Variants in TBC1D22A observed in about 807,000 individuals in gnomAD.
TBC1D22A encodes the protein putative GTPase activator.
Under a neutral mutation model 60.2 loss-of-function variants are expected in TBC1D22A, and 38 were observed. The ratio of observed to expected loss-of-function variants is 0.63; its 90% CI spans 0.49 to 0.83. The LOEUF is 0.83. Among genes scored for constraint, TBC1D22A ranks in the 40% least tolerant of loss-of-function variants. The pLI, the probability that TBC1D22A is intolerant of heterozygous loss-of-function variation, is 0.00. For synonymous variants in TBC1D22A, 302 were observed against 281.7 expected, an observed-to-expected ratio of 1.07 and a Z score of -0.72; for missense variants, 628 against 701.0, an observed-to-expected ratio of 0.90 and a Z score of 1.18.
chr22:47,051,591 A>T (rs2001059), intron 11 of TBC1D22A, among the ~76,000 whole-genome samples: 1 of 151,924 alleles, frequency 6.6e-6, no homozygotes, highest in Non-Finnish European at 1.5e-5. Context: ...TGGGCCAGCC[A>T]TGCTTTTCAG....
intron 4 of TBC1D22A, among the ~76,000 whole-genome samples, chr22:46,805,714 A>G (rs1352910542): frequency 6.6e-6 from 1 of 152,132 alleles, no homozygotes; most frequent in Admixed American, 6.5e-5. Context: ...GAGAGGTGGG[A>G]TGGGTTGGAT....
intron 12 of TBC1D22A, among the ~76,000 whole-genome samples, chr22:47,134,879 C>G (rs1291093314): frequency 6.6e-6 from 1 of 152,146 alleles, no homozygotes; most frequent in African/African-American, 2.4e-5. Flanking sequence ...GCATGTTGCA[C>G]CACAGGGGAG....
At chr22:47,162,448 C>T (rs1297663609) in intron 12 of TBC1D22A, among the ~76,000 whole-genome samples, 1 of 152,172 alleles carries the variant, frequency 6.6e-6, no homozygotes, top group Non-Finnish European at 1.5e-5. Context: ...TTCTCCAGTA[C>T]CCTTGACCGA....
chr22:46,856,876 C>T (rs2147319012), intron 4 of TBC1D22A, among the ~76,000 whole-genome samples: 1 of 152,314 alleles, frequency 6.6e-6, no homozygotes, highest in East Asian at 1.9e-4. Context: ...GGATAATTTC[C>T]TTGGGACAGA....
At chr22:47,091,056 C>T (rs1603257303) in intron 11 of TBC1D22A, among the ~76,000 whole-genome samples, 1 of 115,986 alleles carries the variant, frequency 8.6e-6, no homozygotes, top group Admixed American at 9.4e-5. Flanking sequence ...GGGGGAGTGG[C>T]CTCGCAGAGG....
chr22:46,840,549 A>G (rs1426993392), intron 4 of TBC1D22A, among the ~76,000 whole-genome samples: 1 of 152,150 alleles, frequency 6.6e-6, no homozygotes, highest in Non-Finnish European at 1.5e-5. Flanking sequence ...CCTGGCCAAC[A>G]TAGTGAAACC....
rs2062561322 is a variant in TBC1D22A, at chr22:47,033,646, G to A, written c.1202-3425G>A. Among the ~76,000 whole-genome samples, 3 of 152,192 alleles carry A rather than the reference G, an allele frequency of 2.0e-5. No homozygotes were observed. In the South Asian group the frequency reaches 6.2e-4, roughly 32 times the overall value. ...GTGTATAGAACGAAGAAGAGGGGGAGGCTCACAGCTTGGGGTGTTTCTGGA... is the reference window on the plus strand; with the variant it reads ...GTGTATAGAACGAAGAAGAGGGGGAAGCTCACAGCTTGGGGTGTTTCTGGA... On this transcript the variant is annotated intron_variant, in intron 10 of 12. Coordinates refer to ENST00000337137, the MANE Select transcript of TBC1D22A (RefSeq NM_014346.5).
In TBC1D22A at chr22:47,009,860, T is replaced by G. The variant is rs2148294827; in HGVS notation, c.1201+12151T>G. Among the ~76,000 whole-genome samples, 1 of 152,380 alleles carries G rather than the reference T, an allele frequency of 6.6e-6. No individual in the cohort carries two copies. The highest frequency in any genetic ancestry group is 1.5e-5 in the Non-Finnish European group (1 of 68,034). On this transcript the variant is annotated intron_variant, in intron 10 of 12. Transcript: ENST00000337137. This position sits in a 1 kb window ranked among gnomAD's most constrained non-coding sequence, Gnocchi z 5.8. ...CCTTGTTGAGCTGCCAAGGGCCCTG[T>G]CCATGCCTGCTCCTGAGGCAGCCTC...
chr22:46,780,148 A>G (rs537514055), intron 1 of TBC1D22A, among the ~76,000 whole-genome samples: 6 of 152,336 alleles, frequency 3.9e-5, no homozygotes, highest in South Asian at 4.1e-4. Context: ...TCAGTTGCCA[A>G]TTTGAGTACG....
intron 1 of TBC1D22A, among the ~76,000 whole-genome samples, chr22:46,765,181 C>G (rs934495276): frequency 4.6e-5 from 7 of 152,188 alleles, no homozygotes; most frequent in African/African-American, 1.7e-4. Flanking sequence ...GTTGGGTGCA[C>G]CAGGAAGGCC....
In TBC1D22A at chr22:46,762,782, G is replaced by A. The variant is rs961216383; in HGVS notation, c.-5G>A. ...GGCCGCGGGTCTGAGGGATGAGGAG[G>A]GGCCATGGCCAGCGACGGGGCCAGG... is the stretch of plus-strand genomic sequence containing the variant. On this transcript the variant is annotated 5_prime_UTR_variant, in exon 1 of 13. Coordinates refer to ENST00000337137, the MANE Select transcript of TBC1D22A (RefSeq NM_014346.5). 5.5e-6 allele frequency: 8 copies of A among 1,443,968 alleles called. No homozygotes were observed. The Admixed American group carries it at 2.2e-4, about 39-fold the overall frequency. The allele number at this position is 1,443,968 out of a possible 1,614,324, so 89.4% of individuals were successfully genotyped here.
intron 10 of TBC1D22A, among the ~76,000 whole-genome samples, chr22:47,031,967 A>G (rs1486935580): frequency 6.6e-6 from 1 of 152,184 alleles, no homozygotes; most frequent in Non-Finnish European, 1.5e-5. Flanking sequence ...AGTTACCACA[A>G]TGACAGGTGT....
At chr22:47,016,121 T>A (rs999227357) in intron 10 of TBC1D22A, among the ~76,000 whole-genome samples, 2 of 152,202 alleles carry the variant, frequency 1.3e-5, no homozygotes, top group African/African-American at 4.8e-5. Context: ...CCTCCAGTCA[T>A]GCCAGGGTGC....
Position 46,762,720 on chromosome 22 carries a change from G to A in TBC1D22A, c.-67G>A. ...GGGGCCACCCGGGGCACAGGAAAGG[G>A]CCGCTAGGGGAGGGCCGGGTGCACT... is the stretch of plus-strand genomic sequence containing the variant. On this transcript the variant is annotated 5_prime_UTR_variant, in exon 1 of 13. Coordinates refer to ENST00000337137, the MANE Select transcript of TBC1D22A (RefSeq NM_014346.5). 1 of 1,354,026 alleles carries A rather than the reference G, an allele frequency of 7.4e-7. No individual in the cohort carries two copies. Among genetic ancestry groups the A allele is most frequent in the Non-Finnish European group, 9.6e-7 (1 of 1,042,968 alleles). The allele number at this position is 1,354,026 out of a possible 1,614,324, so 83.9% of individuals were successfully genotyped here.
intron 12 of TBC1D22A, among the ~76,000 whole-genome samples, chr22:47,120,260 T>C (rs1007087452): frequency 2.0e-5 from 3 of 152,212 alleles, no homozygotes; most frequent in Non-Finnish European, 4.4e-5. Flanking sequence ...ATTAATACTT[T>C]ATTAACATGC....
At chr22:46,855,889 TA>T (rs1269436521) in intron 4 of TBC1D22A, among the ~76,000 whole-genome samples, 2 of 152,242 alleles carry the variant, frequency 1.3e-5, no homozygotes, top group Non-Finnish European at 2.9e-5. Context: ...CATACTTATC[TA>T]AAATTAATTG....
chr22:46,949,260 G>T (rs1455577817), intron 8 of TBC1D22A, among the ~76,000 whole-genome samples: 5 of 152,204 alleles, frequency 3.3e-5, no homozygotes, highest in Admixed American at 2.0e-4. Context: ...GACAACAGCC[G>T]GTCACACTCG....
At chr22:47,054,597 G>T (rs536938369) in intron 11 of TBC1D22A, among the ~76,000 whole-genome samples, 1 of 152,200 alleles carries the variant, frequency 6.6e-6, no homozygotes, top group Non-Finnish European at 1.5e-5. Context: ...TTCCAGCCAC[G>T]CGGCTCCTCT....
At chr22:47,162,392 G>A (rs5005651) in intron 12 of TBC1D22A, among the ~76,000 whole-genome samples, 62,549 of 151,712 alleles carry the variant, frequency 0.41, 13,979 homozygotes, top group East Asian at 0.69. Context: ...TGAGGCCCCC[G>A]TGGAGTTGCC....
Sources: allele counts gnomAD v4.1 joint callset (sites outside exome capture counted in the v4.1 genomes callset), GRCh38; gene constraint gnomAD v4.1.1; non-coding constraint Gnocchi (gnomAD v3.1); transcripts MANE v1.5; gene names NCBI Gene and HGNC (gene_info 2026-07-23, HGNC 2026-07-21).